Variants in PHAF1 observed in about 807,000 individuals in gnomAD.
PHAF1 encodes phagophore assembly factor 1.
A neutral mutation model predicts 63.1 loss-of-function variants in PHAF1; 23 were observed. That is an observed-to-expected ratio of 0.36 (90% confidence interval 0.26 to 0.52). The LOEUF (loss-of-function observed/expected upper bound fraction) is 0.52. Among genes scored for constraint, PHAF1 ranks in the 20% least tolerant of loss-of-function variants. The pLI, the probability that PHAF1 is intolerant of heterozygous loss-of-function variation, is 0.93. For synonymous variants in PHAF1, 167 were observed against 185.0 expected, an observed-to-expected ratio of 0.90 and a Z score of 0.79; for missense variants, 427 against 517.2, an observed-to-expected ratio of 0.83 and a Z score of 1.69.
intron 8 of PHAF1, chr16:67,135,843 C>T (rs1395021424): frequency 6.6e-6 from 1 of 152,232 alleles, no homozygotes; most frequent in African/African-American, 2.4e-5. Flanking sequence ...TCAAGCAATC[C>T]TGCCTTAACC....
intron 3 of PHAF1, 127 bp downstream of exon 3, chr16:67,126,169 C>T: frequency 4.2e-6 from 3 of 708,292 alleles, no homozygotes; most frequent in Middle Eastern, 5.1e-4. Context: ...GTTCAGAGAT[C>T]ACTACAATGT....
At chr16:67,144,523 CTG>C (rs1963920935) in intron 11 of PHAF1, 147 bp downstream of exon 11, 1 of 673,904 alleles carries the variant, frequency 1.5e-6, no homozygotes, top group Admixed American at 2.6e-5. Context: ...TGAGTGCTTG[CTG>C]TGTTCCTGGC....
At chr16:67,125,182 C>A (rs1963138235) in intron 2 of PHAF1, among the ~76,000 whole-genome samples, 1 of 152,104 alleles carries the variant, frequency 6.6e-6, no homozygotes, top group Admixed American at 6.6e-5. Context: ...GAAAGTATTC[C>A]CATGAAGAAA....
At position 67,147,025 on chromosome 16, in the gene PHAF1, C is replaced by A. The variant is rs1303329034; in HGVS notation, c.1183-20C>A. ...CCCTTTACCTCTCCCCCTTGACCCA[C>A]TGTCCTCTTCTCACACCAGGTCATG... On this transcript the variant is annotated intron_variant, in intron 15 of 15. Coordinates refer to ENST00000219139, the MANE Select transcript of PHAF1 (RefSeq NM_025187.5). 2 of 1,600,036 alleles carry A rather than the reference C, an allele frequency of 1.2e-6. No homozygotes were observed. Among genetic ancestry groups the A allele is most frequent in the Admixed American group, 3.3e-5 (2 of 59,968 alleles).
At position 67,148,334 on chromosome 16, in the gene PHAF1, T is replaced by C. The variant is rs1047038410; in HGVS notation, c.*1203T>C. ...CAGGTTTGTGTGGCGCTCCCGACTT[T>C]TGTGACTGACTGGTGTCTTCCCATT... On this transcript the variant is annotated 3_prime_UTR_variant, in exon 16 of 16. Coordinates refer to ENST00000219139, the MANE Select transcript of PHAF1 (RefSeq NM_025187.5). 1.3e-5 allele frequency: 2 copies of C among 152,800 alleles called. No homozygotes were observed. The highest frequency in any genetic ancestry group is 1.9e-4 in the East Asian group (1 of 5,188). The allele number at this position is 152,800 out of a possible 1,614,324, so 9.5% of individuals were successfully genotyped here.
intron 1 of PHAF1, among the ~76,000 whole-genome samples, chr16:67,112,922 C>A (rs1379558296): frequency 1.3e-5 from 2 of 152,128 alleles, no homozygotes; most frequent in Non-Finnish European, 2.9e-5. Flanking sequence ...TCAATCTCCT[C>A]CCCCACCCTG....
rs551684163 is a variant in PHAF1 at position 67,147,360 on chromosome 16, A to G, written c.*229A>G. 32 of 527,500 alleles carry G rather than the reference A, an allele frequency of 6.1e-5. 1 individual carries two copies. The highest frequency in any genetic ancestry group is 3.1e-4 in the Admixed American group (9 of 28,656). 32.7% of individuals were successfully genotyped at this position (527,500 alleles called of 1,614,324 possible). On this transcript the variant is annotated 3_prime_UTR_variant, in exon 16 of 16. Transcript: ENST00000219139. ...GTGCCAGCAGGGGACACAGACTGCA[A>G]AGAGAAGCACAAAGTTTGAGCCTTG...
chr16:67,132,657 G>A lies in PHAF1; in HGVS notation c.355+132G>A, dbSNP rs758164378. 4.9e-6 allele frequency: 6 copies of A among 1,227,650 alleles called. No homozygotes were observed. The Admixed American group carries it at 6.8e-5, about 14-fold the overall frequency. 76.0% of individuals were successfully genotyped at this position (1,227,650 alleles called of 1,614,324 possible). A position where few individuals can be genotyped will look rare whatever the true frequency, so the allele number is the denominator to read the frequency against. ...GATTGTGGGGTTGGTACTTGGGTGT[G>A]AAGGAAACATCCTCCCCCTTGTTTT... On this transcript the variant is annotated intron_variant, in intron 5 of 15. Coordinates refer to ENST00000219139, the MANE Select transcript of PHAF1 (RefSeq NM_025187.5).
chr16:67,133,566 G>A (rs537418948), intron 6 of PHAF1, among the ~76,000 whole-genome samples: 6 of 151,708 alleles, frequency 4.0e-5, no homozygotes, highest in Non-Finnish European at 7.4e-5. Context: ...CAGCACTTTG[G>A]GAGGCCGAGG....
chr16:67,110,263 G>T, intron 1 of PHAF1, 24 bp downstream of exon 1: 2 of 1,551,046 alleles, frequency 1.3e-6, no homozygotes, highest in Non-Finnish European at 8.7e-7. Context: ...CCTCTGTCAG[G>T]ACCCCATTCG....
chr16:67,145,514 G>A, intron 13 of PHAF1, 56 bp from the exon 14 acceptor site: 1 of 1,612,858 alleles, frequency 6.2e-7, no homozygotes, highest in East Asian at 2.2e-5. Flanking sequence ...CCAGCCATTG[G>A]TCACAGACAT....
Position 67,146,601 on chromosome 16 carries a change from G to A in PHAF1, c.1182+251G>A, listed in dbSNP as rs79659792. The stretch of plus-strand genomic sequence containing the variant: ...TGTGTCCAACAAGATGGGAGGTAAC[G>A]GATCCCAAGTTTCTATCTGACAACA... On this transcript the variant is annotated intron_variant, in intron 15 of 15. Transcript: ENST00000219139. Among the ~76,000 whole-genome samples the A allele has an allele frequency of 1.2e-3, 178 of 152,328 alleles. No homozygotes were observed. In the Middle Eastern group the frequency reaches 0.017, roughly 15 times the overall value.
chr16:67,137,015 C>CATGG (rs1396161861), intron 8 of PHAF1, among the ~76,000 whole-genome samples: 5 of 152,106 alleles, frequency 3.3e-5, no homozygotes. Flanking sequence ...ATTAGCCAGG[C>CATGG]ATGGTGGCAG....
At chr16:67,118,131 T>G (rs866690170) in intron 1 of PHAF1, among the ~76,000 whole-genome samples, 6,893 of 138,598 alleles carry the variant, frequency 0.05, 447 homozygotes, top group African/African-American at 0.18. Context: ...TAATTTTTTT[T>G]TTTTTTTTTT....
Position 67,133,177 on chromosome 16 carries a change from C to T in PHAF1, c.450+266C>T, listed in dbSNP as rs541517621. On this transcript the variant is annotated intron_variant, in intron 6 of 15. Transcript: ENST00000219139. ...TTTTCAGAGATAAGTTCATTCATTC[C>T]TTATTTTCAAGCTCCTAATCAACAG... Among the ~76,000 whole-genome samples, 92 of 152,228 alleles carry T rather than the reference C, an allele frequency of 6.0e-4. 1 individual carries two copies. Among genetic ancestry groups the T allele is most frequent in the African/African-American group, 2.1e-3 (87 of 41,544 alleles).
intron 10 of PHAF1, among the ~76,000 whole-genome samples, chr16:67,143,959 A>G (rs1050463267): frequency 2.6e-5 from 4 of 151,838 alleles, no homozygotes; most frequent in Non-Finnish European, 4.4e-5. Flanking sequence ...AAAAACAGCC[A>G]GGCGTGGTGG....
intron 1 of PHAF1, among the ~76,000 whole-genome samples, chr16:67,118,134 T>G (rs1339354477): frequency 6.8e-6 from 1 of 146,870 alleles, no homozygotes; most frequent in African/African-American, 2.5e-5. Flanking sequence ...TTTTTTTTTT[T>G]TTTTTTTTTT....
chr16:67,140,185 T>G, intron 9 of PHAF1, 68 bp downstream of exon 9: 2 of 1,525,280 alleles, frequency 1.3e-6, no homozygotes, highest in Non-Finnish European at 1.8e-6. Context: ...GAGTATAAAC[T>G]GTTTGCTATT....
chr16:67,111,242 T>C (rs1013352689), intron 1 of PHAF1, among the ~76,000 whole-genome samples: 2 of 152,340 alleles, frequency 1.3e-5, no homozygotes, highest in East Asian at 1.9e-4. Flanking sequence ...TTCTAAAAAA[T>C]GCAGTTTGGT....
Sources: gnomAD v4.1 joint callset for allele counts (sites outside exome capture counted in the v4.1 genomes callset) on GRCh38, gnomAD v4.1.1 for gene constraint, MANE v1.5 for transcripts, NCBI Gene and HGNC (gene_info 2026-07-23, HGNC 2026-07-21) for gene names.